The following MAGI2 variants were observed in gnomAD, a reference collection of about 807,000 sequenced individuals.
The protein encoded by MAGI2 is membrane-associated guanylate kinase, WW and PDZ domain-containing protein 2.
MAGI2 carries 35 observed loss-of-function variants against 133.3 expected under a neutral mutation model. That is an observed-to-expected ratio of 0.26 (90% confidence interval 0.20 to 0.35). The LOEUF (loss-of-function observed/expected upper bound fraction) is 0.35, where lower values mean the gene tolerates loss of function less well. MAGI2 is among the 10% of genes least tolerant of loss of function. The pLI, the probability that MAGI2 is intolerant of heterozygous loss-of-function variation, is 1.00. For missense variants in MAGI2, 1,636 were observed against 1,863.4 expected (o/e 0.88, Z 2.25); for synonymous variants, 729 against 710.6 (o/e 1.03, Z -0.41).
intron 9 of MAGI2, among the ~76,000 whole-genome samples, chr7:78,280,578 C>T (rs977753562): frequency 6.6e-6 from 1 of 152,000 alleles, no homozygotes; most frequent in Non-Finnish European, 1.5e-5. Flanking sequence ...TTGTTTAGTC[C>T]TCCCAAGAGT....
chr7:79,142,525 T>G (rs28472293), intron 1 of MAGI2, among the ~76,000 whole-genome samples: 1 of 152,186 alleles, frequency 6.6e-6, no homozygotes, highest in Non-Finnish European at 1.5e-5. Context: ...ATGGGTGTAT[T>G]GAAAAACTGG....
At chr7:79,129,525 C>T (rs767610689) in intron 1 of MAGI2, among the ~76,000 whole-genome samples, 1 of 152,320 alleles carries the variant, frequency 6.6e-6, no homozygotes, top group Admixed American at 6.5e-5. Flanking sequence ...ATTCACACAA[C>T]AGAGTAACCT....
chr7:78,836,414 A>G (rs1351649927), intron 2 of MAGI2, among the ~76,000 whole-genome samples: 3 of 152,118 alleles, frequency 2.0e-5, no homozygotes, highest in African/African-American at 7.2e-5. Flanking sequence ...TCACCTCTAT[A>G]GCATAGCTAG....
chr7:79,255,689 C>A (rs1233494896), intron 1 of MAGI2, among the ~76,000 whole-genome samples: 2 of 151,992 alleles, frequency 1.3e-5, no homozygotes, highest in African/African-American at 4.8e-5. Flanking sequence ...ATATTAGAGT[C>A]TGGTAAGTCA....
chr7:78,202,841 C>T (rs1398630326), intron 10 of MAGI2, among the ~76,000 whole-genome samples: 1 of 152,118 alleles, frequency 6.6e-6, no homozygotes, highest in African/African-American at 2.4e-5. Flanking sequence ...ATGCTGTTCA[C>T]TATTTCTCTT....
At chr7:78,420,076 T>C (rs553315008) in intron 6 of MAGI2, among the ~76,000 whole-genome samples, 4 of 152,306 alleles carry the variant, frequency 2.6e-5, no homozygotes, top group South Asian at 4.2e-4. Flanking sequence ...TCTATAGTTG[T>C]ATGCCACAAC....
chr7:78,351,891 G>A (rs1371850360), intron 7 of MAGI2: 1 of 152,082 alleles, frequency 6.6e-6, no homozygotes, highest in South Asian at 2.1e-4. Context: ...AAGAAGACAG[G>A]ATAGTATAAT....
At chr7:78,368,769 AAAAAAT>A (rs1267868540) in intron 7 of MAGI2, among the ~76,000 whole-genome samples, 11 of 152,274 alleles carry the variant, frequency 7.2e-5, no homozygotes, top group African/African-American at 2.4e-4. Context: ...TTTTTCAACT[AAAAAAT>A]ATGTCTGATT....
At chr7:79,099,042 C>A (rs1450899549) in intron 1 of MAGI2, among the ~76,000 whole-genome samples, 1 of 152,054 alleles carries the variant, frequency 6.6e-6, no homozygotes, top group Non-Finnish European at 1.5e-5. Flanking sequence ...GCATGCCAGA[C>A]GTGTCTATGA....
chr7:78,753,451 C>A (rs1460077162), intron 2 of MAGI2, among the ~76,000 whole-genome samples: 1 of 152,108 alleles, frequency 6.6e-6, no homozygotes, highest in African/African-American at 2.4e-5. Flanking sequence ...AACAGCACCT[C>A]TGTGACCTGT....
At chr7:78,214,736 TGTG>T (rs1788099058) in intron 10 of MAGI2, among the ~76,000 whole-genome samples, 1 of 152,128 alleles carries the variant, frequency 6.6e-6, no homozygotes, top group Non-Finnish European at 1.5e-5. Flanking sequence ...TGTTACTACT[TGTG>T]GAGATAAAGC....
chr7:79,306,786 A>T (rs2129560223), intron 1 of MAGI2, among the ~76,000 whole-genome samples: 1 of 151,884 alleles, frequency 6.6e-6, no homozygotes, highest in African/African-American at 2.4e-5. Flanking sequence ...ATCTACGTGT[A>T]AATCTTTGAA....
chr7:78,500,071 C>A (rs60282258), intron 5 of MAGI2, among the ~76,000 whole-genome samples: 3,206 of 152,166 alleles, frequency 0.021, 62 homozygotes, highest in African/African-American at 0.044. Context: ...AAGGTGAATG[C>A]TATTGATTCA....
intron 15 of MAGI2, among the ~76,000 whole-genome samples, chr7:78,161,346 A>G (rs1239368840): frequency 6.6e-6 from 1 of 152,184 alleles, no homozygotes; most frequent in Non-Finnish European, 1.5e-5. Flanking sequence ...AAAAGAACCG[A>G]AGCAGGCACC....
chr7:78,520,985 A>G (rs1463922955), intron 4 of MAGI2, among the ~76,000 whole-genome samples: 2 of 152,318 alleles, frequency 1.3e-5, no homozygotes, highest in South Asian at 4.1e-4. Context: ...CACATGACAT[A>G]ACCTCTACTG....
chr7:78,731,739 A>G (rs941035253), intron 2 of MAGI2, among the ~76,000 whole-genome samples: 1 of 152,136 alleles, frequency 6.6e-6, no homozygotes, highest in Admixed American at 6.6e-5. Context: ...GTGGGGGACC[A>G]TGACATACCT....
At chr7:78,780,953 G>C (rs1407598490) in intron 2 of MAGI2, among the ~76,000 whole-genome samples, 1 of 152,280 alleles carries the variant, frequency 6.6e-6, no homozygotes, top group Non-Finnish European at 1.5e-5. Context: ...GCAAGCAATG[G>C]AGTTGTCATT....
chr7:78,649,215 C>T (rs1181454978), intron 2 of MAGI2, among the ~76,000 whole-genome samples: 1 of 10,158 alleles, frequency 9.8e-5, no homozygotes. Flanking sequence ...TTTGGGATGA[C>T]TTGTGGTAAA....
At chr7:78,024,690 T>C (rs1401826722) in intron 21 of MAGI2, among the ~76,000 whole-genome samples, 2 of 152,210 alleles carry the variant, frequency 1.3e-5, no homozygotes, top group African/African-American at 4.8e-5. Context: ...GAAGACACAA[T>C]TGAAAGAGGG....
Sources: allele counts gnomAD v4.1 joint callset (sites outside exome capture counted in the v4.1 genomes callset), GRCh38; gene constraint gnomAD v4.1.1; transcripts MANE v1.5; gene names NCBI Gene and HGNC (gene_info 2026-07-23, HGNC 2026-07-21).